The following ADGRL3 variants were observed in gnomAD, a reference collection of about 807,000 sequenced individuals.
ADGRL3 encodes adhesion G protein-coupled receptor L3, also known as calcium-independent alpha-latrotoxin receptor 3.
A neutral mutation model predicts 153.5 loss-of-function variants in ADGRL3; 62 were observed. The observed-to-expected ratio is 0.40, with a 90% CI of 0.33 to 0.50. ADGRL3 has a LOEUF of 0.50. ADGRL3 is among the 20% of genes least tolerant of loss of function. The pLI is 0.47. For synonymous variants in ADGRL3, 710 were observed against 672.5 expected (o/e 1.06, Z -0.86); for missense variants, 1,641 against 1,859.4 (o/e 0.88, Z 2.16).
chr4:61,477,689 G>A (rs1449081872), intron 2 of ADGRL3, among the ~76,000 whole-genome samples: 2 of 152,056 alleles, frequency 1.3e-5, no homozygotes, highest in African/African-American at 4.8e-5. Flanking sequence ...GATTTAAGAG[G>A]CTGTCCATAA....
intron 8 of ADGRL3, among the ~76,000 whole-genome samples, chr4:61,795,781 T>C (rs1225798827): frequency 6.6e-6 from 1 of 152,176 alleles, no homozygotes; most frequent in African/African-American, 2.4e-5. Context: ...AGATTATGCA[T>C]CAACCATGTT....
intron 8 of ADGRL3, among the ~76,000 whole-genome samples, chr4:61,749,459 C>G (rs964822353): frequency 6.6e-6 from 1 of 152,106 alleles, no homozygotes; most frequent in South Asian, 2.1e-4. Flanking sequence ...TGGAACCAAC[C>G]AAATATCCAA....
At chr4:61,634,220 C>A (rs1190516658) in intron 5 of ADGRL3, among the ~76,000 whole-genome samples, 1 of 152,062 alleles carries the variant, frequency 6.6e-6, no homozygotes, top group Non-Finnish European at 1.5e-5. Flanking sequence ...TAAATCACCC[C>A]TGAATTATAG....
intron 5 of ADGRL3, among the ~76,000 whole-genome samples, chr4:61,646,177 T>C (rs1178232560): frequency 1.3e-5 from 2 of 152,058 alleles, no homozygotes; most frequent in African/African-American, 4.8e-5. Context: ...ATTCTAGTTA[T>C]ACATTCTTCT....
chr4:61,961,783 T>G (rs62304444), intron 17 of ADGRL3, among the ~76,000 whole-genome samples: 3,722 of 152,266 alleles, frequency 0.024, 60 homozygotes, highest in Middle Eastern at 0.068. Flanking sequence ...GAAAAAGATA[T>G]GTCTAAAATT....
chr4:61,902,579 T>C (rs1363806965), intron 11 of ADGRL3, among the ~76,000 whole-genome samples: 3 of 152,096 alleles, frequency 2.0e-5, no homozygotes, highest in Non-Finnish European at 4.4e-5. Flanking sequence ...CAGAACTACT[T>C]ACTCTTCTCC....
intron 2 of ADGRL3, among the ~76,000 whole-genome samples, chr4:61,418,557 C>G (rs2097169662): frequency 1.3e-5 from 2 of 150,628 alleles, no homozygotes; most frequent in Admixed American, 1.3e-4. Context: ...GATACTTTCT[C>G]TTGTCTCACT....
rs1202010495 is a variant in ADGRL3 at position 62,070,620 on chromosome 4, T to C, written c.4344T>C (p.His1448=). The change falls in exon 27 of 27, where the codon CAT becomes CAC. Residue 1448 remains histidine (H), a synonymous_variant. Transcript: ENST00000683033. The part of the protein sequence containing the change: ...NEHTEDLQSP[H]RDSLYTSMPT... Reference sequence around the variant, plus strand: ...ACACAGAAGATCTCCAGTCACCCCATAGAGACTCTCTCTATACCAGCATGC... The same window carrying C: ...ACACAGAAGATCTCCAGTCACCCCACAGAGACTCTCTCTATACCAGCATGC... 2 of 1,551,612 alleles carry C rather than the reference T, an allele frequency of 1.3e-6. No homozygotes were observed. Among genetic ancestry groups the C allele is most frequent in the Non-Finnish European group, 1.7e-6 (2 of 1,147,020 alleles).
chr4:61,276,299 T>C (rs1176979714), intron 1 of ADGRL3, among the ~76,000 whole-genome samples: 2 of 152,204 alleles, frequency 1.3e-5, no homozygotes, highest in African/African-American at 4.8e-5. Context: ...TCTAGATGCT[T>C]TTAAACCATT....
chr4:61,911,866 A>C (rs1049353536), intron 12 of ADGRL3, among the ~76,000 whole-genome samples: 10 of 152,132 alleles, frequency 6.6e-5, no homozygotes, highest in East Asian at 3.9e-4. Context: ...AGAAGAGGAA[A>C]ACCCACAAAT....
At chr4:61,749,556 G>T (rs996913334) in intron 8 of ADGRL3, among the ~76,000 whole-genome samples, 2 of 152,180 alleles carry the variant, frequency 1.3e-5, no homozygotes, top group East Asian at 3.8e-4. Flanking sequence ...CATGTCCTTT[G>T]TAGGGACATG....
intron 17 of ADGRL3, among the ~76,000 whole-genome samples, chr4:61,954,007 T>C (rs913533102): frequency 3.9e-5 from 6 of 152,150 alleles, no homozygotes; most frequent in Non-Finnish European, 7.3e-5. Flanking sequence ...CCTGCTCTTC[T>C]CCCTCGGAGA....
rs117400958 is a variant in ADGRL3, at chr4:61,791,682, G to A, written c.1400-22127G>A. 1.8e-4 allele frequency among the ~76,000 whole-genome samples: 28 copies of A among 152,340 alleles called. No homozygotes were observed. In the East Asian group the frequency reaches 4.4e-3, roughly 24 times the overall value. On this transcript the variant is annotated intron_variant, in intron 8 of 26. Transcript: ENST00000683033. Reference sequence around the variant, plus strand: ...CACTGCCCTAGCAGAGGTTTTCCATGTGGGCCACACCCCTGCAGAAAACTT... The same window carrying A: ...CACTGCCCTAGCAGAGGTTTTCCATATGGGCCACACCCCTGCAGAAAACTT...
chr4:62,059,773 C>T (rs919384971), intron 25 of ADGRL3, among the ~76,000 whole-genome samples: 15 of 152,158 alleles, frequency 9.9e-5, no homozygotes, highest in African/African-American at 3.6e-4. Context: ...GTGTCATACA[C>T]TTAGCTATAT....
chr4:61,282,051 C>G (rs771819792), intron 1 of ADGRL3, among the ~76,000 whole-genome samples: 2 of 151,908 alleles, frequency 1.3e-5, no homozygotes, highest in Non-Finnish European at 2.9e-5. Flanking sequence ...TATAGAATGA[C>G]TTCTGATTTT....
chr4:61,892,688 A>C lies in ADGRL3; in HGVS notation c.1513A>C (p.Ser505Arg), dbSNP rs1367079955. ...ISTTGPLGMG[S>R]TTTSTTLRTT... ...TACCACAGGACCTCTTGGCATGGGA[A>C]GCACTACCACCAGTACCACCCTTCG... The change falls in exon 10 of 27, where the codon AGC becomes CGC. Residue 505 changes from serine (S) to arginine (R), a missense_variant. Physicochemically the swap from Ser to Arg is moderately radical, Grantham distance 110. Transcript: ENST00000683033. 1.2e-6 allele frequency: 2 copies of C among 1,613,980 alleles called. No individual in the cohort carries two copies. Among genetic ancestry groups the C allele is most frequent in the Non-Finnish European group, 1.7e-6 (2 of 1,179,870 alleles).
At chr4:61,979,252 A>G (rs541649772) in intron 17 of ADGRL3, among the ~76,000 whole-genome samples, 1 of 152,368 alleles carries the variant, frequency 6.6e-6, no homozygotes, top group Non-Finnish European at 1.5e-5. Flanking sequence ...AAAATGTTTT[A>G]ACCTTGAAAT....
chr4:61,759,216 C>T (rs1450508038), intron 8 of ADGRL3, among the ~76,000 whole-genome samples: 1 of 152,104 alleles, frequency 6.6e-6, no homozygotes, highest in African/African-American at 2.4e-5. Context: ...TGAATGTTGG[C>T]CTGCCGTGCT....
chr4:61,362,199 C>G (rs1295986206), intron 1 of ADGRL3, among the ~76,000 whole-genome samples: 1 of 151,190 alleles, frequency 6.6e-6, no homozygotes, highest in Non-Finnish European at 1.5e-5. Context: ...GACGGTGTTT[C>G]ACTATGTTGA....
Sources: gnomAD v4.1 joint callset for allele counts (sites outside exome capture counted in the v4.1 genomes callset) on GRCh38, gnomAD v4.1.1 for gene constraint, MANE v1.5 for transcripts, NCBI Gene and HGNC (gene_info 2026-07-23, HGNC 2026-07-21) for gene names.